The following TTLL11 variants were observed in gnomAD, a reference collection of about 807,000 sequenced individuals.
The protein encoded by TTLL11 is tubulin polyglutamylase TTLL11.
In TTLL11, 42 loss-of-function variants were observed where a neutral mutation model predicts 51.7. The ratio of observed to expected loss-of-function variants is 0.81; its 90% CI spans 0.64 to 1.05. The LOEUF (loss-of-function observed/expected upper bound fraction) is 1.05. Among genes scored for constraint, TTLL11 ranks in the 50% least tolerant of loss-of-function variants. The pLI is 0.00. For synonymous variants in TTLL11, 381 were observed against 383.5 expected, an observed-to-expected ratio of 0.99 and a Z score of 0.08; for missense variants, 799 against 940.4, an observed-to-expected ratio of 0.85 and a Z score of 1.97.
At chr9:121,841,675 AC>A (rs1302678271) in intron 8 of TTLL11, among the ~76,000 whole-genome samples, 3 of 151,156 alleles carry the variant, frequency 2.0e-5, no homozygotes, top group Non-Finnish European at 2.9e-5. Flanking sequence ...GGCACGAAGA[AC>A]TGTTACAGCA....
intron 8 of TTLL11, among the ~76,000 whole-genome samples, chr9:121,836,174 T>C (rs953933165): frequency 7.2e-5 from 11 of 152,208 alleles, no homozygotes; most frequent in Non-Finnish European, 1.5e-4. Context: ...TGCCTTTGTT[T>C]AGTGATATGG....
At chr9:122,063,179 T>C (rs927759013) in intron 1 of TTLL11, among the ~76,000 whole-genome samples, 13 of 152,238 alleles carry the variant, frequency 8.5e-5, no homozygotes, top group African/African-American at 3.1e-4. Context: ...TGTGTCTTTT[T>C]GAAAGCCATT....
At chr9:121,827,685 G>C (rs1255897551) in intron 8 of TTLL11, among the ~76,000 whole-genome samples, 1 of 152,176 alleles carries the variant, frequency 6.6e-6, no homozygotes, top group Non-Finnish European at 1.5e-5. Flanking sequence ...ATAGCCCTTT[G>C]AGTTTGACTA....
At chr9:122,006,170 GTC>G (rs1256904946) in intron 3 of TTLL11, among the ~76,000 whole-genome samples, 6 of 151,858 alleles carry the variant, frequency 4.0e-5, no homozygotes, top group African/African-American at 1.5e-4. Flanking sequence ...TGAAACCCCT[GTC>G]TCTACTAAAA....
chr9:121,838,096 G>T (rs7862029), intron 8 of TTLL11, among the ~76,000 whole-genome samples: 77,238 of 152,074 alleles, frequency 0.51, 20,625 homozygotes, highest in East Asian at 0.71. Context: ...AGGCCAGCCT[G>T]CTTTTTTGCC....
intron 8 of TTLL11, among the ~76,000 whole-genome samples, chr9:121,843,072 T>A (rs891310752): frequency 1.3e-5 from 2 of 151,992 alleles, no homozygotes; most frequent in African/African-American, 4.8e-5. Context: ...CACAGTGACA[T>A]ATACCTGTAA....
At chr9:121,960,813 C>T (rs1435393567) in intron 6 of TTLL11, among the ~76,000 whole-genome samples, 1 of 152,048 alleles carries the variant, frequency 6.6e-6, no homozygotes, top group African/African-American at 2.4e-5. Flanking sequence ...GAAAGCCAGC[C>T]CCACAGCTAG....
intron 6 of TTLL11, among the ~76,000 whole-genome samples, chr9:121,889,024 G>T (rs1056665201): frequency 1.3e-5 from 2 of 152,268 alleles, no homozygotes; most frequent in Non-Finnish European, 2.9e-5. Flanking sequence ...CCAGGTCTGT[G>T]CTGTTTTACC....
chr9:122,013,545 G>A (rs1179493190), intron 3 of TTLL11, among the ~76,000 whole-genome samples: 2 of 152,188 alleles, frequency 1.3e-5, no homozygotes, highest in African/African-American at 4.8e-5. Context: ...CTTTCTGAAT[G>A]GCCTTCAGAA....
chr9:122,088,216 C>T (rs1411738301), intron 1 of TTLL11, among the ~76,000 whole-genome samples: 2 of 152,200 alleles, frequency 1.3e-5, no homozygotes, highest in African/African-American at 4.8e-5. Flanking sequence ...CCCTCAGCTG[C>T]CATCATCCCA....
intron 6 of TTLL11, among the ~76,000 whole-genome samples, chr9:121,945,877 A>G (rs2131590932): frequency 6.6e-6 from 1 of 152,334 alleles, no homozygotes; most frequent in Admixed American, 6.5e-5. Context: ...TCACCCTTTC[A>G]AAAACTTATC....
intron 4 of TTLL11, among the ~76,000 whole-genome samples, chr9:121,986,654 T>C (rs1564342413): frequency 6.6e-6 from 1 of 152,130 alleles, no homozygotes; most frequent in Admixed American, 6.5e-5. Flanking sequence ...GATCATGGCC[T>C]GAATAGCCCT....
Position 121,820,139 on chromosome 9 carries a change from G to A in TTLL11, c.*2448C>T, listed in dbSNP as rs1836535145. ...CCAGATGATGGCATGGGGTGGGAGA[G>A]GCCCTCACCAGGAGAGCTGATGTTT... On this transcript the variant is annotated 3_prime_UTR_variant, in exon 9 of 9. Transcript: ENST00000321582. 1.3e-5 allele frequency among the ~76,000 whole-genome samples: 2 copies of A among 152,246 alleles called. No individual in the cohort carries two copies. Among genetic ancestry groups the A allele is most frequent in the South Asian group, 2.1e-4 (1 of 4,832 alleles).
intron 8 of TTLL11, among the ~76,000 whole-genome samples, chr9:121,857,793 G>A (rs928543857): frequency 1.3e-5 from 2 of 152,196 alleles, no homozygotes; most frequent in African/African-American, 2.4e-5. Context: ...CGCTTACCGG[G>A]AGCAATTTAA....
chr9:122,014,309 G>A (rs1182756494), intron 3 of TTLL11, among the ~76,000 whole-genome samples: 1 of 152,098 alleles, frequency 6.6e-6, no homozygotes, highest in East Asian at 1.9e-4. Context: ...AGGTTGCAGT[G>A]AGCCGAGATC....
At position 122,092,315 on chromosome 9, in the gene TTLL11, T is replaced by C. The variant is rs369064026; in HGVS notation, c.462+372A>G. On this transcript the variant is annotated intron_variant, in intron 1 of 8. Transcript: ENST00000321582. ...TCACACAGCAAGTGCTAAACAAATA[T>C]AACTTCAATGAAGAAGTGAGAGAGC... 1.8e-4 allele frequency among the ~76,000 whole-genome samples: 28 copies of C among 152,206 alleles called. No individual in the cohort carries two copies. In the South Asian group the frequency reaches 5.8e-3, roughly 32 times the overall value.
At chr9:121,969,619 GA>G (rs1306393977) in intron 6 of TTLL11, among the ~76,000 whole-genome samples, 1 of 152,210 alleles carries the variant, frequency 6.6e-6, no homozygotes, top group Non-Finnish European at 1.5e-5. Flanking sequence ...AATAACTAAT[GA>G]TGGACAGAAA....
chr9:122,010,543 A>C (rs1442642031), intron 3 of TTLL11, among the ~76,000 whole-genome samples: 1 of 152,254 alleles, frequency 6.6e-6, no homozygotes, highest in Non-Finnish European at 1.5e-5. Flanking sequence ...TGACCTACAA[A>C]GCTGAAAAGA....
chr9:122,045,601 C>T (rs893002551), intron 1 of TTLL11, among the ~76,000 whole-genome samples: 2 of 151,978 alleles, frequency 1.3e-5, no homozygotes, highest in Admixed American at 6.6e-5. Context: ...ATTTATATAC[C>T]AACATTCATA....
Sources: gnomAD v4.1 joint callset for allele counts (sites outside exome capture counted in the v4.1 genomes callset) on GRCh38, gnomAD v4.1.1 for gene constraint, MANE v1.5 for transcripts, NCBI Gene and HGNC (gene_info 2026-07-23, HGNC 2026-07-21) for gene names.